The following PACS1 variants were observed in gnomAD, a reference collection of about 807,000 sequenced individuals.
PACS1 encodes the protein PACS-1.
In PACS1, 24 loss-of-function variants were observed where a neutral mutation model predicts 115.0. The ratio of observed to expected loss-of-function variants is 0.21; its 90% CI spans 0.15 to 0.29. PACS1 has a LOEUF of 0.29. Among genes scored for constraint, PACS1 ranks in the 10% least tolerant of loss-of-function variants. The pLI, the probability that PACS1 is intolerant of heterozygous loss-of-function variation, is 1.00. For synonymous variants in PACS1, 453 were observed against 504.5 expected, an observed-to-expected ratio of 0.90 and a Z score of 1.37; for missense variants, 838 against 1,251.2, an observed-to-expected ratio of 0.67 and a Z score of 4.98.
At chr11:66,074,362 G>T (rs945417106) in intron 1 of PACS1, among the ~76,000 whole-genome samples, 3 of 152,130 alleles carry the variant, frequency 2.0e-5, no homozygotes, top group Non-Finnish European at 2.9e-5. Context: ...CGTGGTGCAG[G>T]GTTATGGGGA....
In PACS1 at chr11:66,189,583, A is replaced by G. The variant is rs191734321; in HGVS notation, c.357-3903A>G. Among the ~76,000 whole-genome samples, 725 of 152,094 alleles carry G rather than the reference A, an allele frequency of 4.8e-3. 5 individuals carry two copies. The highest frequency in any genetic ancestry group is 0.016 in the African/African-American group (650 of 41,466). On this transcript the variant is annotated intron_variant, in intron 1 of 23. Coordinates refer to ENST00000320580, the MANE Select transcript of PACS1 (RefSeq NM_018026.4). Reference sequence around the variant, plus strand: ...GCTGTGTAGCCCACATCCTTCTACAACTCCAACAACTGGTTCAGTACCAGG... The same window carrying G: ...GCTGTGTAGCCCACATCCTTCTACAGCTCCAACAACTGGTTCAGTACCAGG...
intron 2 of PACS1, among the ~76,000 whole-genome samples, chr11:66,201,092 G>A (rs528953701): frequency 5.9e-5 from 9 of 152,074 alleles, no homozygotes; most frequent in South Asian, 4.2e-4. Flanking sequence ...GGTGGCAGGC[G>A]CCTGTAGTCT....
chr11:66,098,003 C>T (rs1857825344), intron 1 of PACS1, among the ~76,000 whole-genome samples: 1 of 152,066 alleles, frequency 6.6e-6, no homozygotes. Flanking sequence ...ATGGTGAAAC[C>T]TCGTCTCTAC....
At chr11:66,098,483 A>G (rs547467647) in intron 1 of PACS1, among the ~76,000 whole-genome samples, 1 of 152,308 alleles carries the variant, frequency 6.6e-6, no homozygotes, top group South Asian at 2.1e-4. Flanking sequence ...ATTTGAGACC[A>G]TGTTATGCAC....
intron 1 of PACS1, among the ~76,000 whole-genome samples, chr11:66,188,125 T>C (rs961306470): frequency 6.6e-6 from 1 of 151,992 alleles, no homozygotes; most frequent in Non-Finnish European, 1.5e-5. Context: ...TTGAGAAATG[T>C]CTGTTCAGAT....
At chr11:66,149,544 C>T (rs1018443200) in intron 1 of PACS1, among the ~76,000 whole-genome samples, 1 of 152,104 alleles carries the variant, frequency 6.6e-6, no homozygotes, top group South Asian at 2.1e-4. Context: ...ACTTTAAAAA[C>T]AAATATTTTA....
At chr11:66,223,852 C>T (rs768788764) in intron 10 of PACS1, among the ~76,000 whole-genome samples, 1 of 152,160 alleles carries the variant, frequency 6.6e-6, no homozygotes, top group Non-Finnish European at 1.5e-5. Flanking sequence ...CTCTGAGCCT[C>T]GGTGCCTCAT....
chr11:66,153,086 A>T (rs1439929827), intron 1 of PACS1, among the ~76,000 whole-genome samples: 1 of 152,184 alleles, frequency 6.6e-6, no homozygotes, highest in Non-Finnish European at 1.5e-5. Context: ...ATAAAAGACT[A>T]TGATTTTTTT....
intron 2 of PACS1, among the ~76,000 whole-genome samples, chr11:66,199,251 C>T (rs1255187858): frequency 6.7e-6 from 1 of 149,468 alleles, no homozygotes; most frequent in Non-Finnish European, 1.5e-5. Flanking sequence ...GGAGTCGGAG[C>T]TTGCAGTGAG....
chr11:66,136,538 C>T (rs1278018097), intron 1 of PACS1, among the ~76,000 whole-genome samples: 1 of 152,028 alleles, frequency 6.6e-6, no homozygotes, highest in Non-Finnish European at 1.5e-5. Context: ...GATTTATTCT[C>T]CTATCTTTTC....
chr11:66,202,726 G>GGGGA (rs1554988658), intron 2 of PACS1, among the ~76,000 whole-genome samples: 33 of 10,946 alleles, frequency 3.0e-3, no homozygotes, highest in African/African-American at 7.7e-3. Flanking sequence ...TCATCTCTAG[G>GGGGA]AAAAAAAAAA....
chr11:66,163,550 C>G (rs1361403159), intron 1 of PACS1, among the ~76,000 whole-genome samples: 1 of 152,070 alleles, frequency 6.6e-6, no homozygotes, highest in Non-Finnish European at 1.5e-5. Context: ...GAGGTCTCAA[C>G]AGTAGACTTA....
At chr11:66,100,734 G>C in intron 1 of PACS1, 1 of 452,644 alleles carries the variant, frequency 2.2e-6, no homozygotes, top group South Asian at 1.6e-5. Flanking sequence ...AGCATCCAGG[G>C]GCGGAGGCTA....
chr11:66,088,090 G>A (rs7124036), intron 1 of PACS1, among the ~76,000 whole-genome samples: 6 of 151,782 alleles, frequency 4.0e-5, no homozygotes, highest in Admixed American at 1.3e-4. Context: ...TTGTCTCTCT[G>A]TTTCTTATTT....
At chr11:66,125,915 C>T (rs1858560646) in intron 1 of PACS1, among the ~76,000 whole-genome samples, 1 of 151,962 alleles carries the variant, frequency 6.6e-6, no homozygotes, top group African/African-American at 2.4e-5. Flanking sequence ...CGGCGCATGC[C>T]TGTAATCCCA....
intron 1 of PACS1, among the ~76,000 whole-genome samples, chr11:66,172,437 G>A (rs1236068812): frequency 6.6e-6 from 1 of 152,256 alleles, no homozygotes; most frequent in East Asian, 1.9e-4. Context: ...GTGGGATGCC[G>A]GCTGCCATGT....
At chr11:66,230,507 A>T (rs763001987) in intron 11 of PACS1, 41 bp from the exon 12 acceptor site, 1 of 1,420,048 alleles carries the variant, frequency 7.0e-7, no homozygotes, top group Non-Finnish European at 1.0e-6. Context: ...GTGGTCACTG[A>T]GTGGGAGGTC....
intron 2 of PACS1, among the ~76,000 whole-genome samples, chr11:66,194,765 AT>A (rs1854611686): frequency 6.6e-6 from 1 of 152,138 alleles, no homozygotes; most frequent in Admixed American, 6.6e-5. Context: ...TAACCAGAAT[AT>A]TTTATTAGCT....
chr11:66,112,159 C>T lies in PACS1; in HGVS notation c.356+41317C>T, dbSNP rs181958519. Among the ~76,000 whole-genome samples the T allele has an allele frequency of 4.5e-4, 69 of 152,320 alleles. 2 individuals are homozygous for T. The highest frequency in any genetic ancestry group is 4.4e-3 in the Admixed American group (67 of 15,296). Reference sequence around the variant, plus strand: ...AGAGTGGTCTCTTTGAAATGCAGATCTGATTGTTGCACTCACCTGCCTAAT... The same window carrying T: ...AGAGTGGTCTCTTTGAAATGCAGATTTGATTGTTGCACTCACCTGCCTAAT... On this transcript the variant is annotated intron_variant, in intron 1 of 23. Transcript: ENST00000320580.
Sources: allele counts gnomAD v4.1 joint callset (sites outside exome capture counted in the v4.1 genomes callset), GRCh38; gene constraint gnomAD v4.1.1; transcripts MANE v1.5; gene names NCBI Gene and HGNC (gene_info 2026-07-23, HGNC 2026-07-21).